Variants in DNM3 observed in about 807,000 individuals in gnomAD.
DNM3 encodes dynamin 3, also known as dynamin-3.
A neutral mutation model predicts 101.6 loss-of-function variants in DNM3; 47 were observed. That is an observed-to-expected ratio of 0.46 (90% CI 0.37 to 0.59). DNM3 has a LOEUF of 0.59. DNM3 is among the 20% of genes least tolerant of loss of function. The pLI is 0.00. For missense variants in DNM3, 849 were observed against 1,085.7 expected (o/e 0.78, Z 3.06); for synonymous variants, 385 against 387.9 (o/e 0.99, Z 0.09).
At chr1:172,370,199 C>T (rs776515754) in intron 17 of DNM3, 2 of 151,798 alleles carry the variant, frequency 1.3e-5, no homozygotes, top group Non-Finnish European at 2.9e-5. Flanking sequence ...TAAATTTCAA[C>T]ACTTTATTGT....
At chr1:172,144,560 A>G (rs1161021809) in intron 14 of DNM3, 2 of 522,734 alleles carry the variant, frequency 3.8e-6, no homozygotes, top group Non-Finnish European at 3.9e-6. Flanking sequence ...AGTCTAACCA[A>G]TGTGCAGACT....
chr1:171,877,113 A>G (rs780102661), intron 1 of DNM3, among the ~76,000 whole-genome samples: 7 of 152,202 alleles, frequency 4.6e-5, no homozygotes, highest in Non-Finnish European at 1.0e-4. Context: ...GAAAACCTAA[A>G]TCACAGAACT....
At chr1:172,171,197 G>T (rs147577161) in intron 14 of DNM3, among the ~76,000 whole-genome samples, 75 of 151,752 alleles carry the variant, frequency 4.9e-4, no homozygotes, top group African/African-American at 1.7e-3. Context: ...TTTGTAGCTG[G>T]TATGAATTAA....
intron 2 of DNM3, among the ~76,000 whole-genome samples, chr1:171,946,658 A>G (rs1317705557): frequency 1.3e-5 from 2 of 152,158 alleles, no homozygotes; most frequent in Non-Finnish European, 2.9e-5. Flanking sequence ...GCTGGATAAT[A>G]TATAAAGGAA....
chr1:171,919,403 G>A (rs1307891244), intron 1 of DNM3, among the ~76,000 whole-genome samples: 3 of 152,034 alleles, frequency 2.0e-5, no homozygotes, highest in Admixed American at 1.3e-4. Context: ...GAGAACATGC[G>A]GTGTTTGGTT....
Position 172,388,628 on chromosome 1 carries a change from G to C in DNM3, c.2341G>C (p.Ala781Pro). The C allele has an allele frequency of 6.2e-7, 1 of 1,613,954 alleles. No individual in the cohort carries two copies. The highest frequency in any genetic ancestry group is 8.5e-7 in the Non-Finnish European group (1 of 1,179,888). Residue 781 changes from alanine to proline, a missense_variant, in exon 20 of 21, where the codon GCA becomes CCA. Ala to Pro is a conservative substitution (Grantham distance 27). Around this residue, in one of 5 missense-constraint regions of DNM3, gnomAD observed 256 missense variants for 311.7 expected, o/e 0.82. Transcript: ENST00000627582. ...QRRPTLSAPLARPTSGRGPAP... is the reference protein window; with the variant it reads ...QRRPTLSAPLPRPTSGRGPAP... Reference sequence around the variant, plus strand: ...GAGGCCAACACTAAGTGCTCCCCTCGCAAGGCCCACATCCGGCCGAGGACC... The same window carrying C: ...GAGGCCAACACTAAGTGCTCCCCTCCCAAGGCCCACATCCGGCCGAGGACC...
intron 14 of DNM3, among the ~76,000 whole-genome samples, chr1:172,244,036 C>G (rs562978994): frequency 2.0e-5 from 3 of 152,160 alleles, no homozygotes; most frequent in East Asian, 3.9e-4. Context: ...CCACAACAGT[C>G]CCCAGAGTGT....
At chr1:172,163,878 TATGTGTATATATGTATATATGCAC>T (rs968155683) in intron 14 of DNM3, among the ~76,000 whole-genome samples, 3 of 117,618 alleles carry the variant, frequency 2.6e-5, no homozygotes, top group Middle Eastern at 4.3e-3. Flanking sequence ...TGTGTATATG[TATGTGTATATATGTATATATGCAC>T]ATGTGTATAT....
chr1:172,009,967 C>A (rs2047002807), intron 4 of DNM3, among the ~76,000 whole-genome samples: 1 of 151,658 alleles, frequency 6.6e-6, no homozygotes, highest in Non-Finnish European at 1.5e-5. Context: ...TGAATTTATT[C>A]ACTTCTTCCT....
chr1:171,904,072 C>A (rs2038603751), intron 1 of DNM3, among the ~76,000 whole-genome samples: 1 of 151,426 alleles, frequency 6.6e-6, no homozygotes, highest in Admixed American at 6.6e-5. Flanking sequence ...CTTTGGGAGG[C>A]TGTGGTGGGT....
At chr1:171,888,850 G>A (rs1180464803) in intron 1 of DNM3, among the ~76,000 whole-genome samples, 1 of 151,912 alleles carries the variant, frequency 6.6e-6, no homozygotes, top group Non-Finnish European at 1.5e-5. Flanking sequence ...GGCAGCATTG[G>A]GTATCATTTT....
At chr1:172,088,709 T>C (rs2053701859) in intron 12 of DNM3, among the ~76,000 whole-genome samples, 1 of 152,222 alleles carries the variant, frequency 6.6e-6, no homozygotes, top group Non-Finnish European at 1.5e-5. Flanking sequence ...TTTATTAAAG[T>C]TTATCTTCTT....
At chr1:171,979,098 G>C (rs1256358046) in intron 2 of DNM3, among the ~76,000 whole-genome samples, 2 of 152,116 alleles carry the variant, frequency 1.3e-5, no homozygotes, top group African/African-American at 4.8e-5. Context: ...GAAGAGAAGG[G>C]AAGGAACAGT....
At chr1:172,164,105 CT>C (rs1387075725) in intron 14 of DNM3, among the ~76,000 whole-genome samples, 1 of 151,882 alleles carries the variant, frequency 6.6e-6, no homozygotes, top group Non-Finnish European at 1.5e-5. Flanking sequence ...ACTAACTGAG[CT>C]TTTTCAAATA....
At chr1:171,977,721 T>C (rs548971489) in intron 2 of DNM3, among the ~76,000 whole-genome samples, 7 of 152,352 alleles carry the variant, frequency 4.6e-5, no homozygotes, top group Non-Finnish European at 1.0e-4. Context: ...CTTCTATCTC[T>C]TTGTTTACTC....
intron 16 of DNM3, among the ~76,000 whole-genome samples, chr1:172,315,209 A>G (rs1191322085): frequency 6.6e-6 from 1 of 152,224 alleles, no homozygotes; most frequent in Non-Finnish European, 1.5e-5. Flanking sequence ...ACTAACAAAC[A>G]GAAAGGACAT....
intron 14 of DNM3, among the ~76,000 whole-genome samples, chr1:172,170,141 G>C (rs2058898411): frequency 6.6e-6 from 1 of 151,904 alleles, no homozygotes; most frequent in East Asian, 1.9e-4. Flanking sequence ...AGATAAGCTA[G>C]AGAGTTTTTT....
intron 14 of DNM3, among the ~76,000 whole-genome samples, chr1:172,179,374 A>G (rs1372869888): frequency 1.3e-5 from 2 of 152,006 alleles, no homozygotes; most frequent in African/African-American, 4.8e-5. Context: ...GGAAACCAAA[A>G]GAAAATAATT....
rs897914371 is a variant in DNM3 at position 171,987,808 on chromosome 1, A to G, written c.385+3A>G. The stretch of plus-strand genomic sequence containing the variant: ...TTTACGAGTCTATTCCCCACACGGT[A>G]AGTAAAATAATAAAATTCCAAATTC... On this transcript the variant is annotated splice_donor_region_variant and intron_variant, in intron 3 of 20. Transcript: ENST00000627582. The G allele has an allele frequency of 3.9e-6, 6 of 1,540,248 alleles. No homozygotes were observed. The African/African-American group carries it at 8.4e-5, about 21-fold the overall frequency.
Sources: allele counts gnomAD v4.1 joint callset (sites outside exome capture counted in the v4.1 genomes callset), GRCh38; gene constraint gnomAD v4.1.1; regional missense constraint gnomAD v4.1.1; transcripts MANE v1.5; gene names NCBI Gene and HGNC (gene_info 2026-07-23, HGNC 2026-07-21).